The following GCA variants were observed in gnomAD, a reference collection of about 807,000 sequenced individuals.
GCA encodes the protein grancalcin, also known as grancalcin, EF-hand calcium-binding protein.
In GCA, 30 loss-of-function variants were observed where a neutral mutation model predicts 32.6. That is an observed-to-expected ratio of 0.92 (90% confidence interval 0.69 to 1.25). The LOEUF (loss-of-function observed/expected upper bound fraction) is 1.25. GCA is among the 50% of genes most tolerant of loss of function. The pLI, the probability that GCA is intolerant of heterozygous loss-of-function variation, is 0.00. For synonymous variants in GCA, 102 were observed against 84.6 expected, an observed-to-expected ratio of 1.21 and a Z score of -1.13; for missense variants, 291 against 266.8, an observed-to-expected ratio of 1.09 and a Z score of -0.63.
intron 2 of GCA, among the ~76,000 whole-genome samples, chr2:162,351,981 C>T (rs541492748): frequency 6.6e-6 from 1 of 152,194 alleles, no homozygotes; most frequent in South Asian, 2.1e-4. Context: ...CCCAAAACAG[C>T]ATGAGTGGGG....
At chr2:162,373,732 T>A (rs1686051485), downstream of GCA, 1 of 1,069,148 alleles carries the variant, frequency 9.4e-7, no homozygotes, top group Non-Finnish European at 1.3e-6. Flanking sequence ...TTTAAAAAAA[T>A]TTCAGCACTA....
At chr2:162,335,845 T>A (rs1684252918) in intron 1 of GCA, among the ~76,000 whole-genome samples, 1 of 152,222 alleles carries the variant, frequency 6.6e-6, no homozygotes, top group Non-Finnish European at 1.5e-5. Flanking sequence ...ATTGCACAGT[T>A]TCTTCCAGAG....
chr2:162,351,024 G>A (rs1684968692), intron 2 of GCA, among the ~76,000 whole-genome samples: 1 of 151,958 alleles, frequency 6.6e-6, no homozygotes, highest in Admixed American at 6.6e-5. Flanking sequence ...CTTTTTTGAT[G>A]GGCCTCATAA....
Position 162,360,344 on chromosome 2 carries a change from C to T in GCA, c.*101C>T. On this transcript the variant is annotated 3_prime_UTR_variant, in exon 8 of 8. Transcript: ENST00000437150. ...CTTTTAAGGGTTTTCTATGTTCTTC[C>T]TACCTGTTAAACCTCTTCCCTTTCT... is the stretch of plus-strand genomic sequence containing the variant. 2.7e-6 allele frequency: 4 copies of T among 1,495,862 alleles called. No homozygotes were observed. Among genetic ancestry groups the T allele is most frequent in the Non-Finnish European group, 3.6e-6 (4 of 1,124,828 alleles). The allele number at this position is 1,495,862 out of a possible 1,614,324, so 92.7% of individuals were successfully genotyped here.
chr2:162,344,288 C>T lies in GCA; in HGVS notation c.27+13C>T, dbSNP rs1367626159. On this transcript the variant is annotated intron_variant, in intron 1 of 7. Coordinates refer to ENST00000437150, the MANE Select transcript of GCA (RefSeq NM_012198.5). ...ATACGGAGGAGGGGTGAGTCCCAGC[C>T]GCTTGGTCGTGTCCCTCTTCCTCGC... 1.9e-6 allele frequency: 3 copies of T among 1,613,270 alleles called. No homozygotes were observed. Among genetic ancestry groups the T allele is most frequent in the Non-Finnish European group, 8.5e-7 (1 of 1,179,578 alleles).
At chr2:162,323,828 G>A (rs1429221381) in intron 1 of GCA, among the ~76,000 whole-genome samples, 1 of 151,898 alleles carries the variant, frequency 6.6e-6, no homozygotes, top group Non-Finnish European at 1.5e-5. Flanking sequence ...AGTATTGTTT[G>A]AAGTCAGGTA....
In GCA at chr2:162,347,681, C is replaced by T; in HGVS notation, c.131C>T (p.Ser44Leu). Residue 44 changes from serine to leucine, a missense_variant, in exon 2 of 8, where the codon TCA (serine) becomes TTA (leucine). Physicochemically the swap from Ser to Leu is moderately radical, Grantham distance 145. Transcript: ENST00000437150. ...LLDGYSGPAY[S>L]DTYSSAGDSV... The stretch of plus-strand genomic sequence containing the variant: ...GATGGATACTCTGGGCCAGCATATT[C>T]AGACACTTATTCCTCAGCTGGTGAC... The T allele has an allele frequency of 6.2e-7, 1 of 1,609,586 alleles. No individual in the cohort carries two copies. Among genetic ancestry groups the T allele is most frequent in the Non-Finnish European group, 8.5e-7 (1 of 1,176,908 alleles).
chr2:162,353,153 T>C (rs950909802), intron 3 of GCA, among the ~76,000 whole-genome samples: 4 of 151,982 alleles, frequency 2.6e-5, no homozygotes, highest in Non-Finnish European at 5.9e-5. Context: ...GTGAAATGTA[T>C]AGTTAAGCAG....
chr2:162,320,068 C>T (rs908644553), intron 1 of GCA, among the ~76,000 whole-genome samples: 5 of 152,192 alleles, frequency 3.3e-5, no homozygotes, highest in Non-Finnish European at 5.9e-5. Flanking sequence ...GTAACTAGTA[C>T]ACTACTCACA....
intron 1 of GCA, among the ~76,000 whole-genome samples, chr2:162,323,344 C>T (rs1576251189): frequency 6.6e-6 from 1 of 151,776 alleles, no homozygotes; most frequent in South Asian, 2.1e-4. Flanking sequence ...AAAATTTTCT[C>T]CCATTTTGTA....
At chr2:162,355,010 C>T (rs2105337655) in intron 3 of GCA, among the ~76,000 whole-genome samples, 1 of 152,262 alleles carries the variant, frequency 6.6e-6, no homozygotes, top group Middle Eastern at 3.4e-3. Flanking sequence ...CGGATTCTCC[C>T]ACTTTATGAA....
chr2:162,321,858 A>T (rs1683675859), intron 1 of GCA, among the ~76,000 whole-genome samples: 1 of 143,906 alleles, frequency 6.9e-6, no homozygotes, highest in African/African-American at 2.6e-5. Context: ...AAGAATGCAC[A>T]ATTTATAAAG....
chr2:162,322,563 C>T (rs1683714543), intron 1 of GCA, among the ~76,000 whole-genome samples: 1 of 117,346 alleles, frequency 8.5e-6, no homozygotes, highest in Non-Finnish European at 1.7e-5. Flanking sequence ...CCCCCTCCCC[C>T]CACCCCACAA....
At chr2:162,344,363 C>T (rs1684569509) in intron 1 of GCA, 88 bp downstream of exon 1, 1 of 1,278,784 alleles carries the variant, frequency 7.8e-7, no homozygotes, top group Non-Finnish European at 1.1e-6. Flanking sequence ...CCGCCCTTGG[C>T]TCCTGCTCCC....
In GCA at chr2:162,360,935, C is replaced by T. The variant is rs1020114722; in HGVS notation, c.*692C>T. The T allele has an allele frequency of 1.1e-4, 131 of 1,142,472 alleles. No homozygotes were observed. Among genetic ancestry groups the T allele is most frequent in the Middle Eastern group, 4.5e-4 (2 of 4,410 alleles). 70.8% of individuals were successfully genotyped at this position (1,142,472 alleles called of 1,614,324 possible). A position where few individuals can be genotyped will look rare whatever the true frequency, so the allele number is the denominator to read the frequency against. ...TTAATAAACATAGTATTTCTCTCTG[C>T]GTCCTATTTCATTAGTGAAGACATA... On this transcript the variant is annotated 3_prime_UTR_variant, in exon 8 of 8. Transcript: ENST00000437150.
chr2:162,358,987 T>A, intron 5 of GCA, 57 bp from the exon 6 acceptor site: 1 of 779,688 alleles, frequency 1.3e-6, no homozygotes, highest in African/African-American at 1.8e-5. Context: ...GAGAAAGCAA[T>A]CTTGCAGTGT....
chr2:162,356,885 G>T lies in GCA; in HGVS notation c.434G>T (p.Arg145Leu), dbSNP rs374402814. The change falls in exon 5 of 8, where the codon CGT (arginine) becomes CTT (leucine). Residue 145 changes from arginine to leucine, a missense_variant. Arg to Leu is a moderately radical substitution (Grantham distance 102). Coordinates refer to ENST00000437150, the MANE Select transcript of GCA (RefSeq NM_012198.5). ...GSGTVEHHELRQAIGLMGYRL... is the reference protein window; with the variant it reads ...GSGTVEHHELLQAIGLMGYRL... ...GGCACAGTAGAACATCATGAGTTGC[G>T]TCAAGCCATTGGTCTTATGGGTAAG... is the stretch of plus-strand genomic sequence containing the variant. 1 of 1,608,162 alleles carries T rather than the reference G, an allele frequency of 6.2e-7. No individual in the cohort carries two copies. Among genetic ancestry groups the T allele is most frequent in the Non-Finnish European group, 8.5e-7 (1 of 1,176,270 alleles).
At chr2:162,341,938 C>T (rs1281773909), upstream of GCA, among the ~76,000 whole-genome samples, 4 of 152,166 alleles carry the variant, frequency 2.6e-5, no homozygotes, top group African/African-American at 4.8e-5. Context: ...CACTTCACAA[C>T]ACACAATGCC....
chr2:162,346,121 T>C (rs1404166446), intron 1 of GCA, among the ~76,000 whole-genome samples: 1 of 152,232 alleles, frequency 6.6e-6, no homozygotes, highest in Admixed American at 6.5e-5. Flanking sequence ...TTTCTTTGTT[T>C]CTCACTTTGG....
Sources: allele counts gnomAD v4.1 joint callset (sites outside exome capture counted in the v4.1 genomes callset), GRCh38; gene constraint gnomAD v4.1.1; transcripts MANE v1.5; gene names NCBI Gene and HGNC (gene_info 2026-07-23, HGNC 2026-07-21).